FOXP1: variants seen among roughly 807,000 people sequenced by gnomAD.
FOXP1 encodes forkhead box protein P1.
A neutral mutation model predicts 98.2 loss-of-function variants in FOXP1; 15 were observed. The ratio of observed to expected loss-of-function variants is 0.15; its 90% confidence interval spans 0.10 to 0.24. FOXP1 has a LOEUF of 0.24. Among genes scored for constraint, FOXP1 ranks in the 10% least tolerant of loss-of-function variants. FOXP1 has a pLI of 1.00. For synonymous variants in FOXP1, 371 were observed against 314.5 expected, an observed-to-expected ratio of 1.18 and a Z score of -1.90; for missense variants, 633 against 848.5, an observed-to-expected ratio of 0.75 and a Z score of 3.15.
chr3:71,250,693 G>T (rs2068113894), intron 5 of FOXP1, among the ~76,000 whole-genome samples: 3 of 152,214 alleles, frequency 2.0e-5, no homozygotes, highest in Non-Finnish European at 4.4e-5. Flanking sequence ...ACTTTTGGGA[G>T]GCTGAGGTGG....
chr3:71,239,647 T>C lies in FOXP1; in HGVS notation c.-11-41255A>G, dbSNP rs146800363. ...ATTATAGCCATAGTACAAGTATTTC[T>C]ACAAGGTTTTTTACACACACTTTGA... On this transcript the variant is annotated intron_variant, in intron 5 of 20. Coordinates refer to ENST00000649528, the MANE Select transcript of FOXP1 (RefSeq NM_001349338.3). Among the ~76,000 whole-genome samples the C allele has an allele frequency of 5.6e-3, 860 of 152,350 alleles. 7 individuals are homozygous for C. The highest frequency in any genetic ancestry group is 0.02 in the African/African-American group (817 of 41,586).
intron 5 of FOXP1, among the ~76,000 whole-genome samples, chr3:71,242,327 T>C (rs972858674): frequency 6.6e-6 from 1 of 152,136 alleles, no homozygotes; most frequent in African/African-American, 2.4e-5. Flanking sequence ...ACCAGAACGC[T>C]CCTAAGCTGA....
intron 2 of FOXP1, among the ~76,000 whole-genome samples, chr3:71,523,884 CG>C (rs1489473699): frequency 6.6e-6 from 1 of 152,088 alleles, no homozygotes; most frequent in Admixed American, 6.6e-5. Flanking sequence ...GCAGAGCAGC[CG>C]GGATCACCCA....
intron 3 of FOXP1, among the ~76,000 whole-genome samples, chr3:71,429,739 G>A (rs999043295): frequency 8.5e-5 from 13 of 152,124 alleles, no homozygotes; most frequent in Non-Finnish European, 4.4e-5. Flanking sequence ...AAGACTTTCC[G>A]AGGAACTCGT....
At chr3:71,358,338 A>G (rs1245366209) in intron 4 of FOXP1, among the ~76,000 whole-genome samples, 1 of 152,210 alleles carries the variant, frequency 6.6e-6, no homozygotes, top group Non-Finnish European at 1.5e-5. Context: ...TGTAAAATAG[A>G]AGGAACGTAC....
At chr3:71,409,345 G>T (rs2082564309) in intron 3 of FOXP1, among the ~76,000 whole-genome samples, 1 of 151,976 alleles carries the variant, frequency 6.6e-6, no homozygotes, top group African/African-American at 2.4e-5. Context: ...AGTAGTTTTG[G>T]CCACTGCTGC....
At chr3:71,470,999 A>G (rs1481950437) in intron 3 of FOXP1, among the ~76,000 whole-genome samples, 1 of 152,222 alleles carries the variant, frequency 6.6e-6, no homozygotes, top group Non-Finnish European at 1.5e-5. Flanking sequence ...GACTTGTGGC[A>G]AGGGTAAGTG....
intron 17 of FOXP1, among the ~76,000 whole-genome samples, chr3:70,974,521 A>C (rs1162099774): frequency 6.6e-6 from 1 of 151,558 alleles, no homozygotes; most frequent in Admixed American, 6.6e-5. Context: ...CTGATCTTGA[A>C]CTCCTGGGCT....
At chr3:71,493,586 C>G (rs558041504) in intron 2 of FOXP1, 31 bp from the exon 3 acceptor site, 2 of 152,158 alleles carry the variant, frequency 1.3e-5, no homozygotes, top group Non-Finnish European at 2.9e-5. Flanking sequence ...TTACACATAA[C>G]TAAGATGTAA....
At chr3:71,552,916 T>C (rs978612628) in intron 2 of FOXP1, among the ~76,000 whole-genome samples, 6 of 152,066 alleles carry the variant, frequency 3.9e-5, no homozygotes, top group African/African-American at 1.4e-4. Context: ...GTTTCTTGGC[T>C]GTACTTGTCT....
intron 5 of FOXP1, among the ~76,000 whole-genome samples, chr3:71,236,331 C>G (rs961358288): frequency 3.9e-5 from 6 of 152,142 alleles, no homozygotes; most frequent in Admixed American, 1.3e-4. Flanking sequence ...GTGGCTTCAT[C>G]CCCAAGTATT....
intron 5 of FOXP1, among the ~76,000 whole-genome samples, chr3:71,282,722 C>T (rs1326433081): frequency 1.3e-5 from 2 of 152,160 alleles, no homozygotes; most frequent in Admixed American, 6.5e-5. Flanking sequence ...TCCCAACCTA[C>T]GCTATTCTTT....
intron 11 of FOXP1, among the ~76,000 whole-genome samples, chr3:71,027,975 G>C (rs2046352203): frequency 6.6e-6 from 1 of 152,116 alleles, no homozygotes; most frequent in Non-Finnish European, 1.5e-5. Context: ...TAACTGAACA[G>C]ATGGCTGGAA....
In FOXP1 at chr3:71,091,538, C is replaced by A. The variant is rs1162236557; in HGVS notation, c.282+20998G>T. Among the ~76,000 whole-genome samples the A allele has an allele frequency of 2.0e-5, 3 of 151,558 alleles. No homozygotes were observed. The East Asian group carries it at 5.8e-4, about 29-fold the overall frequency. On this transcript the variant is annotated intron_variant, in intron 7 of 20. Transcript: ENST00000649528. ...ACAAAACAAACAAACAAAAAAAAAA[C>A]TGAGCTTTACTTGGACAAGGTCCCA... is the stretch of plus-strand genomic sequence containing the variant.
chr3:71,345,086 T>C (rs1419812746), intron 4 of FOXP1, among the ~76,000 whole-genome samples: 1 of 151,940 alleles, frequency 6.6e-6, no homozygotes, highest in Non-Finnish European at 1.5e-5. Flanking sequence ...TTATTTTTCA[T>C]TTTATAAAAT....
chr3:70,988,144 A>G, intron 13 of FOXP1, 67 bp from the exon 14 acceptor site: 6 of 1,341,948 alleles, frequency 4.5e-6, no homozygotes, highest in Non-Finnish European at 6.4e-6. Flanking sequence ...ACCAAAAATG[A>G]TACATATTAC....
chr3:71,011,801 C>T (rs2107704045), intron 12 of FOXP1, among the ~76,000 whole-genome samples: 1 of 152,172 alleles, frequency 6.6e-6, no homozygotes, highest in South Asian at 2.1e-4. Flanking sequence ...TGTGCAAAAC[C>T]ACAATAAATA....
At chr3:71,135,580 G>GA (rs1314532293) in intron 6 of FOXP1, among the ~76,000 whole-genome samples, 1 of 152,122 alleles carries the variant, frequency 6.6e-6, no homozygotes, top group Non-Finnish European at 1.5e-5. Flanking sequence ...ACTTTGTTTG[G>GA]ATATACTGGC....
Position 71,026,449 on chromosome 3 carries a change from T to C in FOXP1, c.870-10796A>G, listed in dbSNP as rs185178700. ...CAAGTCTCTGAAGACGTACTTTAAT[T>C]TGAATTTTCACAGGGGATGGCAGAG... is the stretch of plus-strand genomic sequence containing the variant. On this transcript the variant is annotated intron_variant, in intron 11 of 20. Coordinates refer to ENST00000649528, the MANE Select transcript of FOXP1 (RefSeq NM_001349338.3). Among the ~76,000 whole-genome samples, 11 of 152,298 alleles carry C rather than the reference T, an allele frequency of 7.2e-5. No individual in the cohort carries two copies. The East Asian group carries it at 2.1e-3, about 29-fold the overall frequency.
Sources: gnomAD v4.1 joint callset for allele counts (sites outside exome capture counted in the v4.1 genomes callset) on GRCh38, gnomAD v4.1.1 for gene constraint, MANE v1.5 for transcripts, NCBI Gene and HGNC (gene_info 2026-07-23, HGNC 2026-07-21) for gene names.